PACS1: variants seen among roughly 807,000 people sequenced by gnomAD.
PACS1 encodes PACS-1.
Under a neutral mutation model 115.0 loss-of-function variants are expected in PACS1, and 24 were observed. The observed-to-expected ratio is 0.21, with a 90% CI of 0.15 to 0.29. The LOEUF is 0.29. Ranked by LOEUF, PACS1 falls within the 10% of genes least tolerant of loss-of-function variation. The pLI is 1.00. For synonymous variants in PACS1, 453 were observed against 504.5 expected, an observed-to-expected ratio of 0.90 and a Z score of 1.37; for missense variants, 838 against 1,251.2, an observed-to-expected ratio of 0.67 and a Z score of 4.98.
At chr11:66,071,894 TC>T (rs1170805878) in intron 1 of PACS1, among the ~76,000 whole-genome samples, 1 of 152,150 alleles carries the variant, frequency 6.6e-6, no homozygotes, top group Non-Finnish European at 1.5e-5. Flanking sequence ...TATATATATA[TC>T]CCAGATAGGA....
chr11:66,108,823 G>A (rs925653683), intron 1 of PACS1, among the ~76,000 whole-genome samples: 3 of 151,958 alleles, frequency 2.0e-5, no homozygotes, highest in Non-Finnish European at 4.4e-5. Context: ...GAATGAATGA[G>A]TTAGCTGGGT....
chr11:66,224,195 CAAAAA>C (rs71036281), intron 10 of PACS1, among the ~76,000 whole-genome samples: 3 of 81,350 alleles, frequency 3.7e-5, no homozygotes, highest in Non-Finnish European at 6.7e-5. Flanking sequence ...GACTCCATCT[CAAAAA>C]AAAAAAAAAA....
chr11:66,133,312 C>T (rs750658705), intron 1 of PACS1, among the ~76,000 whole-genome samples: 8 of 152,166 alleles, frequency 5.3e-5, no homozygotes, highest in Non-Finnish European at 1.0e-4. Flanking sequence ...CAAGATAGAG[C>T]ACTAGGTCTG....
At chr11:66,084,235 GC>G (rs1401601096) in intron 1 of PACS1, 3 of 152,350 alleles carry the variant, frequency 2.0e-5, no homozygotes, top group African/African-American at 7.2e-5. Flanking sequence ...ATTTAGGTAA[GC>G]TGGGTGCATT....
At chr11:66,152,458 T>G (rs1287286435) in intron 1 of PACS1, among the ~76,000 whole-genome samples, 1 of 152,136 alleles carries the variant, frequency 6.6e-6, no homozygotes, top group African/African-American at 2.4e-5. Context: ...CAAAAAACAA[T>G]ATTTGAAGAA....
chr11:66,173,633 C>A (rs1859789348), intron 1 of PACS1, among the ~76,000 whole-genome samples: 1 of 151,934 alleles, frequency 6.6e-6, no homozygotes, highest in Non-Finnish European at 1.5e-5. Context: ...TCGCTTGAAC[C>A]CGGGAGGCAG....
At chr11:66,195,334 C>T (rs550836975) in intron 2 of PACS1, among the ~76,000 whole-genome samples, 4 of 152,176 alleles carry the variant, frequency 2.6e-5, no homozygotes, top group Non-Finnish European at 5.9e-5. Flanking sequence ...ATGAAATGTT[C>T]CCAGACACTG....
At chr11:66,155,638 TG>T (rs1291268413) in intron 1 of PACS1, among the ~76,000 whole-genome samples, 9 of 152,316 alleles carry the variant, frequency 5.9e-5, no homozygotes, top group African/African-American at 2.2e-4. Context: ...TCATATCCTC[TG>T]TTGAGAATGT....
chr11:66,133,951 C>T (rs1035945211), intron 1 of PACS1, among the ~76,000 whole-genome samples: 2 of 152,160 alleles, frequency 1.3e-5, no homozygotes, highest in African/African-American at 4.8e-5. Flanking sequence ...TGATACTGGG[C>T]AAGTTGTTGA....
At chr11:66,136,641 T>C (rs898745070) in intron 1 of PACS1, among the ~76,000 whole-genome samples, 3 of 152,062 alleles carry the variant, frequency 2.0e-5, no homozygotes, top group African/African-American at 7.3e-5. Flanking sequence ...TCTCATGCCT[T>C]CCAAAAAACT....
chr11:66,169,657 C>T (rs1273088420), intron 1 of PACS1, among the ~76,000 whole-genome samples: 3 of 147,000 alleles, frequency 2.0e-5, no homozygotes, highest in African/African-American at 7.9e-5. Context: ...CCTTGTGATC[C>T]ACCTGCCTTG....
In PACS1 at chr11:66,228,154, T is replaced by C. The variant is rs115257127; in HGVS notation, c.1374+570T>C. 1.7e-3 allele frequency among the ~76,000 whole-genome samples: 247 copies of C among 147,472 alleles called. 2 individuals are homozygous for C. Among genetic ancestry groups the C allele is most frequent in the African/African-American group, 5.9e-3 (236 of 40,298 alleles). On this transcript the variant is annotated intron_variant, in intron 11 of 23. Coordinates refer to ENST00000320580, the MANE Select transcript of PACS1 (RefSeq NM_018026.4). ...AGCCACAGTTTGCATCCCCTGTACC[T>C]CCGGCCCAGGGAGGTACAGGGGATG...
At position 66,232,187 on chromosome 11, in the gene PACS1, G is replaced by A. The variant is rs114547473; in HGVS notation, c.1642G>A (p.Val548Met). 2 of 1,612,108 alleles carry A rather than the reference G, an allele frequency of 1.2e-6. No individual in the cohort carries two copies. The highest frequency in any genetic ancestry group is 1.1e-5 in the South Asian group (1 of 91,044). The change falls in exon 14 of 24, where the codon GTG becomes ATG. Residue 548 changes from valine to methionine, a missense_variant. Coordinates refer to ENST00000320580, the MANE Select transcript of PACS1 (RefSeq NM_018026.4). ...GTTCCTGCAGATTCCAAGAAAGGTG[G>A]TGTATGACCAGCTCAATCAGATCCT... is the stretch of plus-strand genomic sequence containing the variant. Reference protein sequence around the residue: ...GHSTQIPRKVVYDQLNQILVS... With the variant: ...GHSTQIPRKVMYDQLNQILVS...
intron 19 of PACS1, among the ~76,000 whole-genome samples, chr11:66,237,043 C>T (rs1414528781): frequency 1.3e-5 from 2 of 152,174 alleles, no homozygotes; most frequent in African/African-American, 4.8e-5. Context: ...CTCAGCCTCC[C>T]GAGTAGCTGG....
At chr11:66,075,399 C>G (rs1413321803) in intron 1 of PACS1, among the ~76,000 whole-genome samples, 1 of 152,124 alleles carries the variant, frequency 6.6e-6, no homozygotes, top group Non-Finnish European at 1.5e-5. Context: ...TGCCACCATG[C>G]CAGGCTGATT....
intron 1 of PACS1, among the ~76,000 whole-genome samples, chr11:66,190,173 G>T (rs1854484089): frequency 6.6e-6 from 1 of 152,176 alleles, no homozygotes. Flanking sequence ...AAGACTACCT[G>T]ATCTACAGGT....
chr11:66,138,883 A>G (rs1004677494), intron 1 of PACS1, among the ~76,000 whole-genome samples: 1 of 151,998 alleles, frequency 6.6e-6, no homozygotes, highest in Non-Finnish European at 1.5e-5. Flanking sequence ...GGGTTTCACC[A>G]TGTTGGCCAG....
chr11:66,219,509 G>A (rs1855291470), intron 7 of PACS1: 3 of 656,604 alleles, frequency 4.6e-6, no homozygotes, highest in African/African-American at 3.6e-5. Flanking sequence ...ACAGGGGGGT[G>A]GAGGACCTGG....
intron 2 of PACS1, among the ~76,000 whole-genome samples, chr11:66,200,432 AAAAAT>A (rs1047000085): frequency 2.6e-5 from 4 of 152,164 alleles, no homozygotes; most frequent in African/African-American, 4.8e-5. Context: ...CATAGAGACT[AAAAAT>A]AAAGGGTTGG....
Sources: allele counts gnomAD v4.1 joint callset (sites outside exome capture counted in the v4.1 genomes callset), GRCh38; gene constraint gnomAD v4.1.1; transcripts MANE v1.5; gene names NCBI Gene and HGNC (gene_info 2026-07-23, HGNC 2026-07-21).